The following ADCY2 variants were observed in gnomAD, a reference collection of about 807,000 sequenced individuals.
ADCY2 encodes adenylate cyclase type 2.
Under a neutral mutation model 125.2 loss-of-function variants are expected in ADCY2, and 31 were observed. That is an observed-to-expected ratio of 0.25 (90% CI 0.19 to 0.33). The LOEUF is 0.33. ADCY2 is among the 10% of genes least tolerant of loss of function. ADCY2 has a pLI of 1.00. For synonymous variants in ADCY2, 512 were observed against 548.4 expected (o/e 0.93, Z 0.93); for missense variants, 904 against 1,418.2 (o/e 0.64, Z 5.82).
intron 4 of ADCY2, among the ~76,000 whole-genome samples, chr5:7,651,815 G>A (rs907505322): frequency 2.6e-5 from 4 of 151,880 alleles, no homozygotes; most frequent in Non-Finnish European, 4.4e-5. Context: ...TTATTTATTT[G>A]TTTGTTTAGA....
chr5:7,758,665 ACCT>A (rs1395580266), intron 16 of ADCY2, among the ~76,000 whole-genome samples: 19 of 152,126 alleles, frequency 1.2e-4, no homozygotes, highest in Admixed American at 1.2e-3. Context: ...CAGCTGGGTA[ACCT>A]CATCATCAAG....
Position 7,829,649 on chromosome 5 carries a change from CCA to C in ADCY2, c.*2779_*2780del, listed in dbSNP as rs993226659. On this transcript the variant is annotated 3_prime_UTR_variant, in exon 25 of 25. Coordinates refer to ENST00000338316, the MANE Select transcript of ADCY2 (RefSeq NM_020546.3). ...CCTCCAGTCCAGTTTCCCAAAAACCCCAGTGTTTTACATATCTGTTTAGGAGT... is the reference window on the plus strand; with the variant it reads ...CCTCCAGTCCAGTTTCCCAAAAACCCGTGTTTTACATATCTGTTTAGGAGT... The C allele has an allele frequency of 1.3e-5, 2 of 152,318 alleles. No homozygotes were observed. Among genetic ancestry groups the C allele is most frequent in the African/African-American group, 4.8e-5 (2 of 41,426 alleles). The allele number at this position is 152,318 out of a possible 1,614,324, so 9.4% of individuals were successfully genotyped here.
intron 2 of ADCY2, among the ~76,000 whole-genome samples, chr5:7,438,354 C>G (rs999022393): frequency 6.6e-6 from 1 of 152,228 alleles, no homozygotes; most frequent in Non-Finnish European, 1.5e-5. Flanking sequence ...AGCTTACACT[C>G]TACCAGGAGA....
At chr5:7,594,601 T>G (rs1310488474) in intron 3 of ADCY2, among the ~76,000 whole-genome samples, 1 of 152,222 alleles carries the variant, frequency 6.6e-6, no homozygotes. Flanking sequence ...AGTTATTGAC[T>G]TAATTAATGA....
rs537859787 is a variant in ADCY2 at position 7,481,513 on chromosome 5, T to C, written c.409-39225T>C. Among the ~76,000 whole-genome samples the C allele has an allele frequency of 4.9e-4, 75 of 151,894 alleles. 2 individuals carry two copies. In the Middle Eastern group the frequency reaches 0.014, roughly 28 times the overall value. The stretch of plus-strand genomic sequence containing the variant: ...CGATCTCTTGACCTCATGATCCGCT[T>C]GCCTCGGCCTCCCAAAGTGCTGGGA... On this transcript the variant is annotated intron_variant, in intron 2 of 24. Transcript: ENST00000338316.
chr5:7,430,715 A>T (rs1740566644), intron 2 of ADCY2, among the ~76,000 whole-genome samples: 1 of 152,062 alleles, frequency 6.6e-6, no homozygotes, highest in Non-Finnish European at 1.5e-5. Flanking sequence ...ATTTCAGCAG[A>T]TGCCAAAAAG....
chr5:7,677,834 G>A (rs748607344), intron 4 of ADCY2, among the ~76,000 whole-genome samples: 34 of 152,190 alleles, frequency 2.2e-4, no homozygotes, highest in Non-Finnish European at 4.4e-4. Flanking sequence ...ATAGATGATT[G>A]AAATATTAAT....
intron 1 of ADCY2, among the ~76,000 whole-genome samples, chr5:7,397,761 G>T (rs938549054): frequency 6.6e-6 from 1 of 152,066 alleles, no homozygotes; most frequent in African/African-American, 2.4e-5. Context: ...TGAGTTCAAT[G>T]AGGTAAGAAT....
chr5:7,699,559 A>C (rs551951377), intron 7 of ADCY2, among the ~76,000 whole-genome samples: 3 of 152,028 alleles, frequency 2.0e-5, no homozygotes, highest in South Asian at 4.1e-4. Flanking sequence ...GGAAAGTAAG[A>C]CTTCATTAAG....
intron 14 of ADCY2, among the ~76,000 whole-genome samples, chr5:7,731,223 CTATGGAATTT>C (rs1742093849): frequency 6.7e-6 from 1 of 150,060 alleles, no homozygotes; most frequent in Admixed American, 6.6e-5. Context: ...TATATTTTGC[CTATGGAATTT>C]TGTTTTGTTT....
chr5:7,674,898 G>A (rs895736960), intron 4 of ADCY2, among the ~76,000 whole-genome samples: 4 of 152,188 alleles, frequency 2.6e-5, no homozygotes, highest in East Asian at 1.9e-4. Context: ...GCTCACGCCT[G>A]TAATCCCAGC....
chr5:7,698,461 T>G (rs1288534046), intron 7 of ADCY2, 87 bp downstream of exon 7: 2 of 1,391,430 alleles, frequency 1.4e-6, no homozygotes, highest in African/African-American at 2.9e-5. Flanking sequence ...TACATAGGTA[T>G]ACATGTACTG....
At chr5:7,624,626 G>A (rs80237537) in intron 3 of ADCY2, among the ~76,000 whole-genome samples, 4,120 of 152,218 alleles carry the variant, frequency 0.027, 197 homozygotes, top group African/African-American at 0.093. Flanking sequence ...CTCCCCCACC[G>A]CATAGAGAAG....
chr5:7,412,157 C>A (rs1739749364), intron 1 of ADCY2, among the ~76,000 whole-genome samples: 2 of 152,024 alleles, frequency 1.3e-5, no homozygotes, highest in Non-Finnish European at 2.9e-5. Flanking sequence ...ATATCAGCAT[C>A]TTCTTGTTCC....
chr5:7,449,406 C>T (rs921576356), intron 2 of ADCY2, among the ~76,000 whole-genome samples: 4 of 152,110 alleles, frequency 2.6e-5, no homozygotes, highest in Non-Finnish European at 5.9e-5. Context: ...ATTTTTGATA[C>T]TGGGGTGAAC....
intron 3 of ADCY2, among the ~76,000 whole-genome samples, chr5:7,603,815 G>GT (rs1277338369): frequency 0.022 from 1,520 of 68,496 alleles, 29 homozygotes; most frequent in African/African-American, 0.063. Context: ...TTTTTCTTTT[G>GT]TTTTTTTTTT....
chr5:7,592,182 A>G (rs1306389078), intron 3 of ADCY2, among the ~76,000 whole-genome samples: 4 of 152,190 alleles, frequency 2.6e-5, no homozygotes, highest in Non-Finnish European at 5.9e-5. Flanking sequence ...CAATATTACA[A>G]AGAGGGTCGC....
At chr5:7,511,080 G>GT (rs1438547663) in intron 2 of ADCY2, among the ~76,000 whole-genome samples, 3 of 152,258 alleles carry the variant, frequency 2.0e-5, no homozygotes, top group African/African-American at 7.2e-5. Context: ...TGCCTGAAGT[G>GT]TTTCCTTCCT....
At chr5:7,723,609 A>G (rs1361049710) in intron 12 of ADCY2, among the ~76,000 whole-genome samples, 5 of 152,174 alleles carry the variant, frequency 3.3e-5, no homozygotes, top group Admixed American at 6.5e-5. Flanking sequence ...TGCTAATTAT[A>G]TTAGTATTTT....
Sources: allele counts gnomAD v4.1 joint callset (sites outside exome capture counted in the v4.1 genomes callset), GRCh38; gene constraint gnomAD v4.1.1; transcripts MANE v1.5; gene names NCBI Gene and HGNC (gene_info 2026-07-23, HGNC 2026-07-21).